CNMD: variants seen among roughly 807,000 people sequenced by gnomAD.
CNMD encodes chondromodulin.
CNMD carries 30 observed loss-of-function variants against 37.5 expected under a neutral mutation model. The observed-to-expected ratio is 0.80, with a 90% CI of 0.60 to 1.09. The LOEUF is 1.09. Ranked by LOEUF, CNMD falls within the 50% of genes least tolerant of loss-of-function variation. The pLI, the probability that CNMD is intolerant of heterozygous loss-of-function variation, is 0.00. For missense variants in CNMD, 398 were observed against 423.9 expected, an observed-to-expected ratio of 0.94 and a Z score of 0.54; for synonymous variants, 167 against 148.2, an observed-to-expected ratio of 1.13 and a Z score of -0.92.
intron 5 of CNMD, among the ~76,000 whole-genome samples, chr13:52,710,240 G>A (rs1964270272): frequency 6.6e-6 from 1 of 152,158 alleles, no homozygotes; most frequent in Non-Finnish European, 1.5e-5. Flanking sequence ...GGTTGGAGAG[G>A]CACCAGTGAG....
chr13:52,728,158 C>T (rs1479151574), intron 3 of CNMD, among the ~76,000 whole-genome samples: 2 of 152,160 alleles, frequency 1.3e-5, no homozygotes, highest in East Asian at 3.8e-4. Context: ...GAGGCCGAGG[C>T]AGGAGGATCA....
At chr13:52,723,196 A>C (rs1276479168) in intron 4 of CNMD, among the ~76,000 whole-genome samples, 4 of 152,070 alleles carry the variant, frequency 2.6e-5, no homozygotes, top group Non-Finnish European at 5.9e-5. Context: ...GGCTCAAGTG[A>C]TCCTCCCACC....
At chr13:52,735,642 A>C (rs1306460576) in intron 2 of CNMD, among the ~76,000 whole-genome samples, 4 of 151,534 alleles carry the variant, frequency 2.6e-5, no homozygotes, top group Admixed American at 2.6e-4. Flanking sequence ...CATAAAATAC[A>C]CTAACACTAA....
intron 5 of CNMD, among the ~76,000 whole-genome samples, 165 bp downstream of exon 5, chr13:52,712,551 A>G (rs571587840): frequency 6.6e-6 from 1 of 152,084 alleles, no homozygotes; most frequent in Non-Finnish European, 1.5e-5. Flanking sequence ...ACGGGCTGTC[A>G]TTTTCCTGCT....
chr13:52,705,031 C>T (rs1964151589), intron 6 of CNMD, among the ~76,000 whole-genome samples: 1 of 149,820 alleles, frequency 6.7e-6, no homozygotes, highest in Non-Finnish European at 1.5e-5. Context: ...GCACTCCCGC[C>T]TGGGTAACAA....
intron 6 of CNMD, among the ~76,000 whole-genome samples, chr13:52,707,713 AAGG>A (rs1964209137): frequency 6.6e-6 from 1 of 152,214 alleles, no homozygotes; most frequent in African/African-American, 2.4e-5. Flanking sequence ...GACTCAAAAA[AAGG>A]AGAGCACAGA....
rs760634236 is a variant in CNMD, at chr13:52,708,521, A to G, written c.789+15T>C. 4.0e-5 allele frequency: 64 copies of G among 1,602,220 alleles called. No individual in the cohort carries two copies. Among genetic ancestry groups the G allele is most frequent in the Non-Finnish European group, 5.3e-5 (62 of 1,175,734 alleles). Reference sequence around the variant, plus strand: ...ATGCATTTGTCTAATCATGTCAAAAAGCACCGGAACGCACATGATAAGGAT... The same window carrying G: ...ATGCATTTGTCTAATCATGTCAAAAGGCACCGGAACGCACATGATAAGGAT... On this transcript the variant is annotated intron_variant, in intron 6 of 6. Coordinates refer to ENST00000377962, the MANE Select transcript of CNMD (RefSeq NM_007015.3).
Position 52,708,518 on chromosome 13 carries a change from A to G in CNMD, c.789+18T>C, listed in dbSNP as rs1466099465. 6.2e-7 allele frequency: 1 copy of G among 1,601,804 alleles called. No homozygotes were observed. The highest frequency in any genetic ancestry group is 8.5e-7 in the Non-Finnish European group (1 of 1,175,450). On this transcript the variant is annotated intron_variant, in intron 6 of 6. Transcript: ENST00000377962. ...TTAATGCATTTGTCTAATCATGTCA[A>G]AAAGCACCGGAACGCACATGATAAG...
At chr13:52,716,819 T>C (rs1165973433) in intron 4 of CNMD, among the ~76,000 whole-genome samples, 2 of 152,338 alleles carry the variant, frequency 1.3e-5, no homozygotes, top group East Asian at 3.9e-4. Flanking sequence ...TAGGATTGTC[T>C]TGGTTATACG....
At chr13:52,707,956 A>T (rs1964215654) in intron 6 of CNMD, among the ~76,000 whole-genome samples, 1 of 151,772 alleles carries the variant, frequency 6.6e-6, no homozygotes, top group African/African-American at 2.4e-5. Context: ...AAAAAAAAAA[A>T]TACAAAAAAT....
intron 3 of CNMD, among the ~76,000 whole-genome samples, chr13:52,731,292 G>A (rs1357499720): frequency 6.6e-6 from 1 of 152,172 alleles, no homozygotes; most frequent in East Asian, 1.9e-4. Flanking sequence ...GTCCTTGAGG[G>A]AAGGGTCCAT....
At chr13:52,738,205 T>G (rs1010949678) in intron 2 of CNMD, among the ~76,000 whole-genome samples, 1 of 152,178 alleles carries the variant, frequency 6.6e-6, no homozygotes, top group Non-Finnish European at 1.5e-5. Context: ...AATAAGCTTA[T>G]ACCAGACCTG....
chr13:52,714,348 G>C (rs1964335662), intron 4 of CNMD, among the ~76,000 whole-genome samples: 1 of 152,004 alleles, frequency 6.6e-6, no homozygotes, highest in Non-Finnish European at 1.5e-5. Flanking sequence ...GTTACTCTAA[G>C]GGTAGTTTTC....
intron 2 of CNMD, among the ~76,000 whole-genome samples, chr13:52,736,079 C>T (rs35787463): frequency 0.01 from 1,537 of 152,116 alleles, 12 homozygotes; most frequent in Non-Finnish European, 0.016. Context: ...CTGCAAGCTC[C>T]GCCTCCTGGG....
intron 6 of CNMD, among the ~76,000 whole-genome samples, chr13:52,706,557 ATAAT>A (rs1158258552): frequency 5.3e-5 from 8 of 152,244 alleles, no homozygotes; most frequent in Non-Finnish European, 1.2e-4. Context: ...AGACAGGGAA[ATAAT>A]TTATAGCCAT....
intron 6 of CNMD, among the ~76,000 whole-genome samples, chr13:52,704,744 G>T (rs1457077832): frequency 6.6e-6 from 1 of 152,074 alleles, no homozygotes; most frequent in African/African-American, 2.4e-5. Flanking sequence ...TCTTAATTTG[G>T]GATGTCGGGG....
intron 4 of CNMD, among the ~76,000 whole-genome samples, chr13:52,723,747 T>C: frequency 6.6e-6 from 1 of 151,972 alleles, no homozygotes. Context: ...CTGGCCAACA[T>C]GGTGAAACCC....
At position 52,739,194 on chromosome 13, in the gene CNMD, G is replaced by C; in HGVS notation, c.73-23C>G. The C allele has an allele frequency of 6.9e-7, 1 of 1,454,560 alleles. No individual in the cohort carries two copies. Among genetic ancestry groups the C allele is most frequent in the Non-Finnish European group, 9.0e-7 (1 of 1,108,190 alleles). The allele number at this position is 1,454,560 out of a possible 1,614,324, so 90.1% of individuals were successfully genotyped here. On this transcript the variant is annotated intron_variant, in intron 1 of 6. Coordinates refer to ENST00000377962, the MANE Select transcript of CNMD (RefSeq NM_007015.3). The surrounding 1 kb of genome is among the most constrained non-coding windows in gnomAD (Gnocchi z 5.4). ...CGCCTGCGGGCCGGGGCGGGAGAGG[G>C]ACCGTCGCGTTTGTGCCGCCAGCAC... is the stretch of plus-strand genomic sequence containing the variant.
intron 6 of CNMD, among the ~76,000 whole-genome samples, chr13:52,704,151 TATG>T (rs1184234024): frequency 6.6e-6 from 1 of 152,218 alleles, no homozygotes; most frequent in Non-Finnish European, 1.5e-5. Flanking sequence ...AAGGAAGCAT[TATG>T]ATAAAAAGTA....
Sources: allele counts gnomAD v4.1 joint callset (sites outside exome capture counted in the v4.1 genomes callset), GRCh38; gene constraint gnomAD v4.1.1; non-coding constraint Gnocchi (gnomAD v3.1); transcripts MANE v1.5; gene names NCBI Gene and HGNC (gene_info 2026-07-23, HGNC 2026-07-21).